Variants in ACOX2 observed in about 807,000 individuals in gnomAD.
ACOX2 encodes acyl-CoA oxidase 2.
ACOX2 carries 59 observed loss-of-function variants against 77.5 expected under a neutral mutation model. The ratio of observed to expected loss-of-function variants is 0.76; its 90% confidence interval spans 0.62 to 0.95. The LOEUF (loss-of-function observed/expected upper bound fraction) is 0.95, where lower values mean the gene tolerates loss of function less well. Among genes scored for constraint, ACOX2 ranks in the 40% least tolerant of loss-of-function variants. The pLI, the probability that ACOX2 is intolerant of heterozygous loss-of-function variation, is 0.00. For missense variants in ACOX2, 837 were observed against 880.4 expected (o/e 0.95, Z 0.62); for synonymous variants, 317 against 340.1 (o/e 0.93, Z 0.75).
chr3:58,521,552 C>A lies in ACOX2; in HGVS notation c.1632+944G>T, dbSNP rs1410834733. ...TCTGCCATGCTCATGGTCAGGACCA[C>A]CCTCAGTCCCGGTTCAGACTTGCTC... On this transcript the variant is annotated intron_variant, in intron 12 of 14. Coordinates refer to ENST00000302819, the MANE Select transcript of ACOX2 (RefSeq NM_003500.4). This position sits in a 1 kb window ranked among gnomAD's most constrained non-coding sequence, Gnocchi z 4.8. Among the ~76,000 whole-genome samples the A allele has an allele frequency of 1.3e-5, 2 of 152,204 alleles. No individual in the cohort carries two copies. The highest frequency in any genetic ancestry group is 2.9e-5 in the Non-Finnish European group (2 of 68,034).
At chr3:58,530,746 C>T in intron 7 of ACOX2, 108 bp from the exon 8 acceptor site, 1 of 1,313,764 alleles carries the variant, frequency 7.6e-7, no homozygotes, top group African/African-American at 1.5e-5. Flanking sequence ...CGCCCCTCAA[C>T]CGGCGCATCT....
At position 58,533,424 on chromosome 3, in the gene ACOX2, G is replaced by T. The variant is rs185550614; in HGVS notation, c.583+21C>A. On this transcript the variant is annotated intron_variant, in intron 5 of 14. Transcript: ENST00000302819. This position sits in a 1 kb window ranked among gnomAD's most constrained non-coding sequence, Gnocchi z 5.6. ...CTTCTACTTGGGGAGAGTTAAGGAA[G>T]GGGGGTGGATGTATACTCACAGTCT... 1 of 1,601,538 alleles carries T rather than the reference G, an allele frequency of 6.2e-7. No individual in the cohort carries two copies. The highest frequency in any genetic ancestry group is 2.2e-5 in the East Asian group (1 of 44,722).
In ACOX2 at chr3:58,533,332, C is replaced by G; in HGVS notation, c.583+113G>C. On this transcript the variant is annotated intron_variant, in intron 5 of 14. Coordinates refer to ENST00000302819, the MANE Select transcript of ACOX2 (RefSeq NM_003500.4). The surrounding 1 kb of genome is among the most constrained non-coding windows in gnomAD (Gnocchi z 5.6). Reference sequence around the variant, plus strand: ...AACTGACTTGCCCAAGGTCAGCAGCCTAGAACAGAAAATCAATCTGAGGTC... The same window carrying G: ...AACTGACTTGCCCAAGGTCAGCAGCGTAGAACAGAAAATCAATCTGAGGTC... 1.0e-6 allele frequency: 1 copy of G among 998,818 alleles called. No individual in the cohort carries two copies. Among genetic ancestry groups the G allele is most frequent in the South Asian group, 1.5e-5 (1 of 68,330 alleles). 61.9% of individuals were successfully genotyped at this position (998,818 alleles called of 1,614,324 possible).
rs537086900 is a variant in ACOX2, at chr3:58,513,862, T to C, written c.1850+3344A>G. 1.5e-4 allele frequency among the ~76,000 whole-genome samples: 23 copies of C among 152,250 alleles called. No individual in the cohort carries two copies. The East Asian group carries it at 2.5e-3, about 17-fold the overall frequency. On this transcript the variant is annotated intron_variant, in intron 13 of 14. Transcript: ENST00000302819. ...ACTATGGAGTGAATTGGGTGGACCA[T>C]TGGGGGACTCTGATGTCAGTGTCTT...
At chr3:58,536,579 G>A (rs1345564945) in intron 1 of ACOX2, among the ~76,000 whole-genome samples, 1 of 152,162 alleles carries the variant, frequency 6.6e-6, no homozygotes, top group East Asian at 1.9e-4. Flanking sequence ...TGCCCCTAGT[G>A]CGGCTCCTCT....
In ACOX2 at chr3:58,507,894, A is replaced by G. The variant is rs140956002; in HGVS notation, c.1983+999T>C. On this transcript the variant is annotated intron_variant, in intron 14 of 14. Coordinates refer to ENST00000302819, the MANE Select transcript of ACOX2 (RefSeq NM_003500.4). The stretch of plus-strand genomic sequence containing the variant: ...AATTGTTAAGAGCAAGTCTAACACC[A>G]TGCTGGGTGTGAATGAAAGCCTGAG... 7.0e-3 allele frequency among the ~76,000 whole-genome samples: 1,060 copies of G among 152,340 alleles called. 13 individuals are homozygous for G. Among genetic ancestry groups the G allele is most frequent in the African/African-American group, 0.025 (1,026 of 41,574 alleles).
At chr3:58,510,663 A>AAT (rs1364040351) in intron 13 of ACOX2, among the ~76,000 whole-genome samples, 5 of 14,370 alleles carry the variant, frequency 3.5e-4, no homozygotes, top group Non-Finnish European at 4.8e-4. Flanking sequence ...AAAAAAAAAA[A>AAT]ATATATATAT....
chr3:58,528,791 T>A lies in ACOX2; in HGVS notation c.1155+3A>T, dbSNP rs1294825309. On this transcript the variant is annotated splice_donor_region_variant and intron_variant, in intron 9 of 14. Coordinates refer to ENST00000302819, the MANE Select transcript of ACOX2 (RefSeq NM_003500.4). This position sits in a 1 kb window ranked among gnomAD's most constrained non-coding sequence, Gnocchi z 5.6. ...CGCCTGCCCCTCCGCAGACAGCAGG[T>A]ACCTCAGGCAGGAAGCTGAAGTCTT... 6.2e-7 allele frequency: 1 copy of A among 1,605,880 alleles called. No homozygotes were observed. The highest frequency in any genetic ancestry group is 8.5e-7 in the Non-Finnish European group (1 of 1,175,994).
chr3:58,534,805 C>G lies in ACOX2; in HGVS notation c.160+142G>C. Reference sequence around the variant, plus strand: ...TATTGACATGTGAAGATTGTCTTTACAGTTCGAAGGAATGAATCTCTAACA... The same window carrying G: ...TATTGACATGTGAAGATTGTCTTTAGAGTTCGAAGGAATGAATCTCTAACA... On this transcript the variant is annotated intron_variant, in intron 2 of 14. Coordinates refer to ENST00000302819, the MANE Select transcript of ACOX2 (RefSeq NM_003500.4). This position sits in a 1 kb window ranked among gnomAD's most constrained non-coding sequence, Gnocchi z 4.8. 7.0e-7 allele frequency: 1 copy of G among 1,430,378 alleles called. No individual in the cohort carries two copies. Among genetic ancestry groups the G allele is most frequent in the East Asian group, 2.3e-5 (1 of 43,882 alleles). 88.6% of individuals were successfully genotyped at this position (1,430,378 alleles called of 1,614,324 possible).
intron 8 of ACOX2, among the ~76,000 whole-genome samples, chr3:58,530,218 GGGGGCCA>G (rs772502305): frequency 1.8e-4 from 28 of 152,254 alleles, no homozygotes; most frequent in Non-Finnish European, 3.5e-4. Context: ...AGAGCCCGAT[GGGGGCCA>G]GGCACTGAGG....
chr3:58,534,791 G>T lies in ACOX2; in HGVS notation c.160+156C>A. The T allele has an allele frequency of 7.2e-7, 1 of 1,389,062 alleles. No homozygotes were observed. Among genetic ancestry groups the T allele is most frequent in the Non-Finnish European group, 1.0e-6 (1 of 996,748 alleles). 86.0% of individuals were successfully genotyped at this position (1,389,062 alleles called of 1,614,324 possible). Reference sequence around the variant, plus strand: ...GTGGGCTCAGGCAATATTGACATGTGAAGATTGTCTTTACAGTTCGAAGGA... The same window carrying T: ...GTGGGCTCAGGCAATATTGACATGTTAAGATTGTCTTTACAGTTCGAAGGA... On this transcript the variant is annotated intron_variant, in intron 2 of 14. Transcript: ENST00000302819. The surrounding 1 kb of genome is among the most constrained non-coding windows in gnomAD (Gnocchi z 4.8).
At position 58,522,093 on chromosome 3, in the gene ACOX2, G is replaced by C. The variant is rs1338833583; in HGVS notation, c.1632+403C>G. On this transcript the variant is annotated intron_variant, in intron 12 of 14. Coordinates refer to ENST00000302819, the MANE Select transcript of ACOX2 (RefSeq NM_003500.4). This position sits in a 1 kb window ranked among gnomAD's most constrained non-coding sequence, Gnocchi z 4.3. ...AGTGGCTTCACTGTTGAGCACCCAG[G>C]TCAGTGCCCAGGGCAGAGTGGGTGC... is the stretch of plus-strand genomic sequence containing the variant. 2.0e-5 allele frequency among the ~76,000 whole-genome samples: 3 copies of C among 152,194 alleles called. No individual in the cohort carries two copies. The highest frequency in any genetic ancestry group is 7.2e-5 in the African/African-American group (3 of 41,442).
In ACOX2 at chr3:58,534,843, G is replaced by C; in HGVS notation, c.160+104C>G. ...TGAATCTCTAACAGTGGAATTTCAAGGGCAAAGTTTGTTATTTGGAAGCAG... is the reference window on the plus strand; with the variant it reads ...TGAATCTCTAACAGTGGAATTTCAACGGCAAAGTTTGTTATTTGGAAGCAG... On this transcript the variant is annotated intron_variant, in intron 2 of 14. Transcript: ENST00000302819. The surrounding 1 kb of genome is among the most constrained non-coding windows in gnomAD (Gnocchi z 4.8). The C allele has an allele frequency of 6.5e-7, 1 of 1,547,586 alleles. No individual in the cohort carries two copies. The highest frequency in any genetic ancestry group is 1.7e-5 in the Admixed American group (1 of 57,822).
In ACOX2 at chr3:58,505,342, A is replaced by G; in HGVS notation, c.1984-56T>C. Reference sequence around the variant, plus strand: ...CAGTACATTTCTGCCAGGATTAATGACTTTCACTTTCAAATTAAGTCTCTA... The same window carrying G: ...CAGTACATTTCTGCCAGGATTAATGGCTTTCACTTTCAAATTAAGTCTCTA... On this transcript the variant is annotated intron_variant, in intron 14 of 14. Coordinates refer to ENST00000302819, the MANE Select transcript of ACOX2 (RefSeq NM_003500.4). The surrounding 1 kb of genome is among the most constrained non-coding windows in gnomAD (Gnocchi z 4.4). 1 of 1,388,320 alleles carries G rather than the reference A, an allele frequency of 7.2e-7. No homozygotes were observed. Among genetic ancestry groups the G allele is most frequent in the South Asian group, 1.4e-5 (1 of 72,748 alleles). The allele number at this position is 1,388,320 out of a possible 1,614,324, so 86.0% of individuals were successfully genotyped here.
At chr3:58,510,928 T>G (rs923838073) in intron 13 of ACOX2, 2 of 455,710 alleles carry the variant, frequency 4.4e-6, no homozygotes, top group East Asian at 7.0e-5. Context: ...CATTGCTATA[T>G]TTACTCATTG....
chr3:58,526,566 C>T lies in ACOX2; in HGVS notation c.1246G>A (p.Gly416Ser). ...GGCAGGCCACTCAGCTTTGAGTAGC[C>T]ATGTCCGCCACAGGCCCTGCGGCAC... ...EMCRRACGGH[G>S]YSKLSGLPSL... The change falls in exon 10 of 15, where the codon GGC (glycine) becomes AGC (serine). Residue 416 changes from glycine to serine, a missense_variant. By Grantham distance (56) the Gly-to-Ser change is moderately conservative (BLOSUM62 0). Transcript: ENST00000302819. This position sits in a 1 kb window ranked among gnomAD's most constrained non-coding sequence, Gnocchi z 4.3. 1.9e-6 allele frequency: 3 copies of T among 1,614,218 alleles called. No individual in the cohort carries two copies. The highest frequency in any genetic ancestry group is 2.5e-6 in the Non-Finnish European group (3 of 1,180,040).
chr3:58,534,545 G>A lies in ACOX2; in HGVS notation c.161-23C>T, dbSNP rs777770516. 6.2e-7 allele frequency: 1 copy of A among 1,614,158 alleles called. No individual in the cohort carries two copies. Among genetic ancestry groups the A allele is most frequent in the South Asian group, 1.1e-5 (1 of 91,078 alleles). On this transcript the variant is annotated intron_variant, in intron 2 of 14. Transcript: ENST00000302819. This position sits in a 1 kb window ranked among gnomAD's most constrained non-coding sequence, Gnocchi z 4.8. The stretch of plus-strand genomic sequence containing the variant: ...TCTCTGCAGAGGACAGAGAACAGAG[G>A]GCTTAGGGACCTGGGTGAGGTTTCT...
At chr3:58,510,656 AAAAAAAAATAT>A (rs2063273831) in intron 13 of ACOX2, among the ~76,000 whole-genome samples, 1 of 33,444 alleles carries the variant, frequency 3.0e-5, no homozygotes, top group Non-Finnish European at 5.3e-5. Flanking sequence ...AAAAAAAAAA[AAAAAAAAATAT>A]ATATATATAT....
Position 58,519,565 on chromosome 3 carries a change from A to C in ACOX2, c.1633-2142T>G, listed in dbSNP as rs1411702935. ...ATGAGGTGATGATGGGGAACCATGG[A>C]GGTTAGGGTGGACTCATACCTGGGG... On this transcript the variant is annotated intron_variant, in intron 12 of 14. Transcript: ENST00000302819. The surrounding 1 kb of genome is among the most constrained non-coding windows in gnomAD (Gnocchi z 5.0). Among the ~76,000 whole-genome samples the C allele has an allele frequency of 6.6e-6, 1 of 151,900 alleles. No individual in the cohort carries two copies. The highest frequency in any genetic ancestry group is 1.9e-4 in the East Asian group (1 of 5,170).
Sources: allele counts gnomAD v4.1 joint callset (sites outside exome capture counted in the v4.1 genomes callset), GRCh38; gene constraint gnomAD v4.1.1; non-coding constraint Gnocchi (gnomAD v3.1); transcripts MANE v1.5; gene names NCBI Gene and HGNC (gene_info 2026-07-23, HGNC 2026-07-21).